TRPM4: variants seen among roughly 807,000 people sequenced by gnomAD.
TRPM4 encodes the protein transient receptor potential cation channel subfamily M member 4.
Under a neutral mutation model 135.6 loss-of-function variants are expected in TRPM4, and 124 were observed. The ratio of observed to expected loss-of-function variants is 0.91; its 90% CI spans 0.79 to 1.06. The LOEUF is 1.06. Ranked by LOEUF, TRPM4 falls within the 50% of genes least tolerant of loss-of-function variation. The pLI is 0.00. For synonymous variants in TRPM4, 745 were observed against 705.6 expected (o/e 1.06, Z -0.88); for missense variants, 1,658 against 1,671.4 (o/e 0.99, Z 0.14).
Position 49,210,981 on chromosome 19 carries a change from C to CGGGG in TRPM4, c.3462-31_3462-30insGGGG. 1 of 635,624 alleles carries CGGGG rather than the reference C, an allele frequency of 1.6e-6. No homozygotes were observed. The highest frequency in any genetic ancestry group is 2.8e-6 in the Non-Finnish European group (1 of 361,430). 39.4% of individuals were successfully genotyped at this position (635,624 alleles called of 1,614,324 possible). ...CAGAGCCCTGGGGGTGGGTGGGCTG[C>CGGGG]GGGTGCCCCCGGTAAGAGGCCCTCC... On this transcript the variant is annotated intron_variant, in intron 22 of 24. Coordinates refer to ENST00000252826, the MANE Select transcript of TRPM4 (RefSeq NM_017636.4). This position sits in a 1 kb window ranked among gnomAD's most constrained non-coding sequence, Gnocchi z 4.1.
intron 2 of TRPM4, among the ~76,000 whole-genome samples, chr19:49,162,530 C>A (rs1346198973): frequency 6.6e-6 from 1 of 151,814 alleles, no homozygotes; most frequent in Non-Finnish European, 1.5e-5. Context: ...CAGAGCGAGA[C>A]TCCATCTCAA....
At chr19:49,177,742 G>A (rs1371217553) in intron 9 of TRPM4, among the ~76,000 whole-genome samples, 1 of 151,208 alleles carries the variant, frequency 6.6e-6, no homozygotes, top group East Asian at 1.9e-4. Flanking sequence ...TTTTGCAGAT[G>A]AAGAGACTGA....
chr19:49,200,486 C>T, intron 18 of TRPM4, 54 bp downstream of exon 18: 1 of 1,567,254 alleles, frequency 6.4e-7, no homozygotes, highest in Non-Finnish European at 8.7e-7. Context: ...GGGGTGGGGC[C>T]AGGGAGGGAG....
intron 2 of TRPM4, among the ~76,000 whole-genome samples, chr19:49,161,831 T>C (rs919366932): frequency 5.3e-5 from 8 of 152,230 alleles, no homozygotes; most frequent in African/African-American, 1.9e-4. Flanking sequence ...GGTTTCACCA[T>C]GTTGGCCAGG....
In TRPM4 at chr19:49,188,681, T is replaced by C. The variant is rs745868499; in HGVS notation, c.1784T>C (p.Leu595Pro). The C allele has an allele frequency of 6.2e-7, 1 of 1,614,194 alleles. No homozygotes were observed. The highest frequency in any genetic ancestry group is 2.2e-5 in the East Asian group (1 of 44,880). The change falls in exon 13 of 25, where the codon CTG becomes CCG. Residue 595 changes from leucine (L) to proline (P), a missense_variant. By Grantham distance (98) the Leu-to-Pro change is moderately conservative. This residue lies in a region of TRPM4 where 1,412 missense variants were observed against 1,408.7 expected (regional missense o/e 1.00). Coordinates refer to ENST00000252826, the MANE Select transcript of TRPM4 (RefSeq NM_017636.4). ...TCCTCAGCTCTTGGGGCCTGTTTGC[T>C]GCTCCGGGTGATGGCACGCCTGGAG... Reference protein sequence around the residue: ...AVSSALGACLLLRVMARLEPD... With the variant: ...AVSSALGACLPLRVMARLEPD...
rs752837823 is a variant in TRPM4, at chr19:49,166,243, C to G, written c.267+28C>G. 3.2e-6 allele frequency: 5 copies of G among 1,568,728 alleles called. No individual in the cohort carries two copies. The East Asian group carries it at 1.2e-4, about 36-fold the overall frequency. On this transcript the variant is annotated intron_variant, in intron 3 of 24. Coordinates refer to ENST00000252826, the MANE Select transcript of TRPM4 (RefSeq NM_017636.4). ...GAGGCGGGCCTCTGTGGGCGGGGCC[C>G]GGGCACCAGGGGGCTGCATGCTCGG... is the stretch of plus-strand genomic sequence containing the variant.
chr19:49,167,042 TTCCCCTTTACTCTGGGTTTCTG>T (rs1331886812), intron 3 of TRPM4, among the ~76,000 whole-genome samples: 1 of 142,660 alleles, frequency 7.0e-6, no homozygotes, highest in African/African-American at 2.6e-5. Flanking sequence ...GGGTCTCTGT[TTCCCCTTTACTCTGGGTTTCTG>T]TCCCCATCTC....
intron 6 of TRPM4, among the ~76,000 whole-genome samples, chr19:49,169,577 G>A (rs1005379592): frequency 8.0e-5 from 12 of 149,136 alleles, no homozygotes; most frequent in Non-Finnish European, 1.2e-4. Flanking sequence ...CACCGCGCCC[G>A]GCCTAATGTT....
At chr19:49,189,305 C>T (rs1968322039) in intron 14 of TRPM4, among the ~76,000 whole-genome samples, 1 of 152,194 alleles carries the variant, frequency 6.6e-6, no homozygotes, top group African/African-American at 2.4e-5. Flanking sequence ...ACGGCAAAGC[C>T]CATCTTCCTA....
intron 6 of TRPM4, among the ~76,000 whole-genome samples, chr19:49,170,316 G>C (rs563929836): frequency 3.7e-4 from 57 of 152,174 alleles, no homozygotes; most frequent in Middle Eastern, 6.8e-3. Flanking sequence ...AGCCTCCCGA[G>C]TAGCTGGGAC....
intron 12 of TRPM4, among the ~76,000 whole-genome samples, chr19:49,185,051 G>C (rs1968148682): frequency 6.6e-6 from 1 of 151,664 alleles, no homozygotes; most frequent in Non-Finnish European, 1.5e-5. Flanking sequence ...TAGGTGGTGA[G>C]ACATCTTTTT....
chr19:49,176,679 C>T (rs865802482), intron 9 of TRPM4, among the ~76,000 whole-genome samples: 6 of 152,178 alleles, frequency 3.9e-5, no homozygotes, highest in African/African-American at 1.4e-4. Context: ...TGGCAAAACC[C>T]TGTCTCTACT....
Position 49,171,233 on chromosome 19 carries a change from T to A in TRPM4, c.797-124T>A. ...GTAAAAAAAGAAATGACAATTCCAA[T>A]GAGCCTCTGAACAGAAGATTAGGAC... On this transcript the variant is annotated intron_variant, in intron 6 of 24. Coordinates refer to ENST00000252826, the MANE Select transcript of TRPM4 (RefSeq NM_017636.4). This position sits in a 1 kb window ranked among gnomAD's most constrained non-coding sequence, Gnocchi z 4.7. 1 of 996,518 alleles carries A rather than the reference T, an allele frequency of 1.0e-6. No homozygotes were observed. Among genetic ancestry groups the A allele is most frequent in the Non-Finnish European group, 1.6e-6 (1 of 629,392 alleles). The allele number at this position is 996,518 out of a possible 1,614,324, so 61.7% of individuals were successfully genotyped here. A position where few individuals can be genotyped will look rare whatever the true frequency, so the allele number is the denominator to read the frequency against.
intron 16 of TRPM4, among the ~76,000 whole-genome samples, chr19:49,193,371 G>A (rs1276404540): frequency 2.0e-5 from 3 of 152,086 alleles, no homozygotes; most frequent in Non-Finnish European, 2.9e-5. Flanking sequence ...ATGAGCCACC[G>A]CACCCGTCCG....
At chr19:49,165,904 G>T in intron 2 of TRPM4, 137 bp from the exon 3 acceptor site, 1 of 874,956 alleles carries the variant, frequency 1.1e-6, no homozygotes, top group South Asian at 1.7e-5. Flanking sequence ...CCAGGGCCAG[G>T]GGCAGCGTGG....
At chr19:49,185,029 A>T (rs1431374897) in intron 12 of TRPM4, among the ~76,000 whole-genome samples, 2 of 151,662 alleles carry the variant, frequency 1.3e-5, no homozygotes, top group Non-Finnish European at 2.9e-5. Context: ...CTATCTCTGT[A>T]TTCTTATTCT....
intron 20 of TRPM4, among the ~76,000 whole-genome samples, chr19:49,207,636 CAAAA>C (rs34758808): frequency 0.052 from 2,038 of 38,918 alleles, 66 homozygotes; most frequent in African/African-American, 0.17. Context: ...AACCTTGTCT[CAAAA>C]AAAAAAAAAA....
Position 49,168,028 on chromosome 19 carries a change from G to C in TRPM4, c.379G>C (p.Gly127Arg), listed in dbSNP as rs368769982. ...GGTGTCAGTGCTGGGGGGATCGGGGGGCCCCGTCCTCCAGACCTGGCTGCA... is the reference window on the plus strand; with the variant it reads ...GGTGTCAGTGCTGGGGGGATCGGGGCGCCCCGTCCTCCAGACCTGGCTGCA... ...LVVSVLGGSG[G>R]PVLQTWLQDL... is the part of the protein sequence containing the mutation. The change falls in exon 4 of 25, where the codon GGC (glycine) becomes CGC (arginine). Residue 127 changes from glycine to arginine, a missense_variant. Gly to Arg is a moderately radical substitution (Grantham distance 125, BLOSUM62 -2). Around this residue, in one of 3 missense-constraint regions of TRPM4, gnomAD observed 239 missense variants for 240.1 expected, o/e 1.00. Transcript: ENST00000252826. The C allele has an allele frequency of 6.2e-7, 1 of 1,613,078 alleles. No individual in the cohort carries two copies. Among genetic ancestry groups the C allele is most frequent in the African/African-American group, 1.3e-5 (1 of 74,916 alleles).
At position 49,182,801 on chromosome 19, in the gene TRPM4, C is replaced by T; in HGVS notation, c.1487C>T (p.Ala496Val). ...GCCCCAGCCCTAAAAGGGGGAGCTG[C>T]GGAGCTCCGGCCCCCTGACGTGGGG... ...TKAPALKGGA[A>V]ELRPPDVGHV... The change falls in exon 11 of 25, where the codon GCG (alanine) becomes GTG (valine). Residue 496 changes from alanine to valine, a missense_variant. Physicochemically the swap from Ala to Val is moderately conservative, Grantham distance 64. Transcript: ENST00000252826. 6.3e-7 allele frequency: 1 copy of T among 1,577,554 alleles called. No individual in the cohort carries two copies. The highest frequency in any genetic ancestry group is 8.7e-7 in the Non-Finnish European group (1 of 1,148,752).
Sources: allele counts gnomAD v4.1 joint callset (sites outside exome capture counted in the v4.1 genomes callset), GRCh38; gene constraint gnomAD v4.1.1; regional missense constraint gnomAD v4.1.1; non-coding constraint Gnocchi (gnomAD v3.1); transcripts MANE v1.5; gene names NCBI Gene and HGNC (gene_info 2026-07-23, HGNC 2026-07-21).